KIF16B: variants seen among roughly 807,000 people sequenced by gnomAD.
The protein encoded by KIF16B is kinesin-like protein KIF16B.
A neutral mutation model predicts 156.3 loss-of-function variants in KIF16B; 98 were observed. That is an observed-to-expected ratio of 0.63 (90% confidence interval 0.53 to 0.74). The LOEUF is 0.74. KIF16B is among the 30% of genes least tolerant of loss of function. The pLI, the probability that KIF16B is intolerant of heterozygous loss-of-function variation, is 0.00. For synonymous variants in KIF16B, 564 were observed against 583.7 expected (o/e 0.97, Z 0.49); for missense variants, 1,421 against 1,606.5 (o/e 0.88, Z 1.97).
intron 23 of KIF16B, among the ~76,000 whole-genome samples, chr20:16,346,818 GTATACGGGGACT>G (rs2064243079): frequency 6.6e-6 from 1 of 152,190 alleles, no homozygotes; most frequent in Non-Finnish European, 1.5e-5. Flanking sequence ...AGCAGGTGAG[GTATACGGGGACT>G]TATTCTACTT....
intron 22 of KIF16B, among the ~76,000 whole-genome samples, chr20:16,361,132 C>G (rs1489644857): frequency 6.6e-6 from 1 of 152,220 alleles, no homozygotes; most frequent in Non-Finnish European, 1.5e-5. Flanking sequence ...ACAAATTCTC[C>G]TGTCCCTGTT....
At chr20:16,392,251 C>T (rs1312136142) in intron 17 of KIF16B, among the ~76,000 whole-genome samples, 2 of 152,174 alleles carry the variant, frequency 1.3e-5, no homozygotes, top group Non-Finnish European at 2.9e-5. Flanking sequence ...ATCAGCAAAT[C>T]ATTAACTATT....
chr20:16,538,636 T>C (rs890652679), intron 1 of KIF16B, among the ~76,000 whole-genome samples: 9 of 152,186 alleles, frequency 5.9e-5, no homozygotes, highest in African/African-American at 1.9e-4. Flanking sequence ...TAAAATACTC[T>C]ACCAGGAAAA....
intron 24 of KIF16B, among the ~76,000 whole-genome samples, chr20:16,334,991 C>G (rs1355962117): frequency 6.6e-6 from 1 of 152,146 alleles, no homozygotes; most frequent in Non-Finnish European, 1.5e-5. Flanking sequence ...TTACAAAAAG[C>G]TATTTCTCTT....
At chr20:16,372,721 G>C (rs1214755036) in intron 20 of KIF16B, among the ~76,000 whole-genome samples, 1 of 152,206 alleles carries the variant, frequency 6.6e-6, no homozygotes, top group African/African-American at 2.4e-5. Flanking sequence ...TTTTGAGACA[G>C]AGTCTCGCTC....
rs1392373183 is a variant in KIF16B, at chr20:16,533,479, G to T, written c.48-5039C>A. The stretch of plus-strand genomic sequence containing the variant: ...CTTAATATGACATAGTAATAGATGG[G>T]TCTTAGGTTTACCCTTATGAAATAA... On this transcript the variant is annotated intron_variant, in intron 1 of 25. Coordinates refer to ENST00000354981, the MANE Select transcript of KIF16B (RefSeq NM_024704.5). Among the ~76,000 whole-genome samples, 8 of 152,176 alleles carry T rather than the reference G, an allele frequency of 5.3e-5. No homozygotes were observed. In the South Asian group the frequency reaches 1.4e-3, roughly 28 times the overall value.
chr20:16,338,156 T>C (rs1318080961), intron 23 of KIF16B, among the ~76,000 whole-genome samples: 1 of 152,098 alleles, frequency 6.6e-6, no homozygotes, highest in Non-Finnish European at 1.5e-5. Flanking sequence ...TCATCTTTGC[T>C]GTAACTGAAA....
At chr20:16,423,615 G>A (rs2066278707) in intron 15 of KIF16B, among the ~76,000 whole-genome samples, 1 of 152,080 alleles carries the variant, frequency 6.6e-6, no homozygotes, top group Non-Finnish European at 1.5e-5. Context: ...ATTATAACAA[G>A]GTTACTTCCT....
intron 13 of KIF16B, 123 bp downstream of exon 13, chr20:16,429,740 G>T (rs1469499519): frequency 8.7e-6 from 7 of 804,230 alleles, no homozygotes; most frequent in Non-Finnish European, 1.2e-5. Flanking sequence ...TCAAGGATTT[G>T]TTGTATATTC....
At chr20:16,288,954 C>A (rs1365504053) in intron 25 of KIF16B, among the ~76,000 whole-genome samples, 1 of 117,324 alleles carries the variant, frequency 8.5e-6, no homozygotes, top group East Asian at 2.8e-4. Context: ...TAAGTACATA[C>A]TGCAGAGATG....
At chr20:16,346,238 G>A (rs2064231995) in intron 23 of KIF16B, among the ~76,000 whole-genome samples, 1 of 152,238 alleles carries the variant, frequency 6.6e-6, no homozygotes, top group African/African-American at 2.4e-5. Flanking sequence ...ACAGCACATT[G>A]CACAAGGAAA....
intron 21 of KIF16B, among the ~76,000 whole-genome samples, chr20:16,371,182 GC>G (rs1364780250): frequency 1.3e-5 from 2 of 152,054 alleles, no homozygotes; most frequent in African/African-American, 4.8e-5. Flanking sequence ...GTTACACTCT[GC>G]CCAAGCAATA....
rs557561381 is a variant in KIF16B at position 16,507,899 on chromosome 20, G to A, written c.699+59C>T. ...CAACAATGATCAGTCCTCAGCTGGT[G>A]CTAATCAGCAAGTAAAGACCTCAGG... On this transcript the variant is annotated intron_variant, in intron 7 of 25. Transcript: ENST00000354981. 8.4e-5 allele frequency: 133 copies of A among 1,578,148 alleles called. 1 individual carries two copies. Among genetic ancestry groups the A allele is most frequent in the Admixed American group, 4.7e-4 (28 of 59,138 alleles).
At chr20:16,384,255 G>A (rs2065174153) in intron 17 of KIF16B, among the ~76,000 whole-genome samples, 1 of 152,306 alleles carries the variant, frequency 6.6e-6, no homozygotes, top group Admixed American at 6.5e-5. Flanking sequence ...GTCTGTAAGA[G>A]AGATGTGGTC....
intron 24 of KIF16B, among the ~76,000 whole-genome samples, chr20:16,322,269 TTTGTC>T (rs1189549990): frequency 6.6e-6 from 1 of 151,874 alleles, no homozygotes; most frequent in African/African-American, 2.4e-5. Context: ...TCCAATGAAA[TTTGTC>T]TTTCCCTTCT....
intron 22 of KIF16B, among the ~76,000 whole-genome samples, chr20:16,363,674 C>G (rs1032134126): frequency 6.6e-6 from 1 of 152,116 alleles, no homozygotes; most frequent in Non-Finnish European, 1.5e-5. Context: ...CTGTCATCAC[C>G]ACGATGGCTA....
intron 22 of KIF16B, chr20:16,368,528 C>T: frequency 3.0e-6 from 3 of 986,064 alleles, no homozygotes; most frequent in Non-Finnish European, 3.6e-6. Flanking sequence ...TGGCTGATCA[C>T]CTTTGTGCCA....
At chr20:16,511,158 T>C (rs2068943615) in intron 6 of KIF16B, among the ~76,000 whole-genome samples, 1 of 152,196 alleles carries the variant, frequency 6.6e-6, no homozygotes, top group Non-Finnish European at 1.5e-5. Context: ...TTGCCTTACA[T>C]TTGGAAAAGA....
intron 10 of KIF16B, among the ~76,000 whole-genome samples, 184 bp downstream of exon 10, chr20:16,504,188 C>T (rs1193876539): frequency 2.0e-5 from 3 of 152,076 alleles, no homozygotes; most frequent in Non-Finnish European, 2.9e-5. Flanking sequence ...ACATGCAGCC[C>T]GTAATGAATG....
Sources: allele counts gnomAD v4.1 joint callset (sites outside exome capture counted in the v4.1 genomes callset), GRCh38; gene constraint gnomAD v4.1.1; transcripts MANE v1.5; gene names NCBI Gene and HGNC (gene_info 2026-07-23, HGNC 2026-07-21).